YPEL2: variants seen among roughly 807,000 people sequenced by gnomAD.
The protein encoded by YPEL2 is protein yippee-like 2.
Under a neutral mutation model 19.1 loss-of-function variants are expected in YPEL2, and 2 were observed. The ratio of observed to expected loss-of-function variants is 0.10; its 90% CI spans 0.04 to 0.33. YPEL2 has a LOEUF of 0.33. Ranked by LOEUF, YPEL2 falls within the 10% of genes least tolerant of loss-of-function variation. The pLI is 1.00. For synonymous variants in YPEL2, 52 were observed against 50.0 expected, an observed-to-expected ratio of 1.04 and a Z score of -0.17; for missense variants, 66 against 140.7, an observed-to-expected ratio of 0.47 and a Z score of 2.68.
chr17:59,342,927 C>T (rs997093640), intron 1 of YPEL2, among the ~76,000 whole-genome samples: 3 of 152,154 alleles, frequency 2.0e-5, no homozygotes, highest in African/African-American at 7.2e-5. Flanking sequence ...GAAGTCCCTG[C>T]CCGCCTGGGA....
intron 1 of YPEL2, among the ~76,000 whole-genome samples, chr17:59,340,785 G>A (rs1449576569): frequency 2.0e-5 from 3 of 150,158 alleles, no homozygotes; most frequent in Non-Finnish European, 3.0e-5. Flanking sequence ...ACGCCATCTC[G>A]GTCACTGCAA....
In YPEL2 at chr17:59,388,329, A is replaced by G. The variant is rs2147957072; in HGVS notation, c.120A>G (p.Ser40=). Residue 40 remains serine, a splice_region_variant and synonymous_variant, in exon 3 of 5, where the codon TCA becomes TCG. Transcript: ENST00000312655. ...LANHDELISK[S]FQGSQGRAYL... is the part of the protein sequence containing the mutation. ...CGATTTGTTTTCTTGCATTTCAGTC[A>G]TTCCAAGGAAGTCAAGGACGAGCAT... is the stretch of plus-strand genomic sequence containing the variant. The G allele has an allele frequency of 3.1e-6, 5 of 1,614,214 alleles. No individual in the cohort carries two copies. The highest frequency in any genetic ancestry group is 1.6e-4 in the Middle Eastern group (1 of 6,062).
chr17:59,352,151 T>A (rs73996404), intron 1 of YPEL2, among the ~76,000 whole-genome samples: 11,630 of 152,246 alleles, frequency 0.076, 555 homozygotes, highest in South Asian at 0.14. Context: ...AAATAATTTT[T>A]AATTTTATCT....
chr17:59,372,657 C>T (rs964814754), intron 2 of YPEL2, among the ~76,000 whole-genome samples: 2 of 152,166 alleles, frequency 1.3e-5, no homozygotes, highest in African/African-American at 4.8e-5. Context: ...ATAAGAATGC[C>T]CTGTGTTTAG....
intron 4 of YPEL2, among the ~76,000 whole-genome samples, chr17:59,393,031 G>A (rs1469969928): frequency 6.6e-6 from 1 of 152,218 alleles, no homozygotes; most frequent in African/African-American, 2.4e-5. Flanking sequence ...CTGGGAAGCA[G>A]TAGAGGCAGG....
intron 1 of YPEL2, among the ~76,000 whole-genome samples, chr17:59,343,180 A>G (rs2047740084): frequency 6.6e-6 from 1 of 152,258 alleles, no homozygotes; most frequent in Non-Finnish European, 1.5e-5. Context: ...TGTAAGTCCC[A>G]TGTAATGCCC....
At chr17:59,334,113 G>T (rs1361365396) in intron 1 of YPEL2, among the ~76,000 whole-genome samples, 1 of 152,194 alleles carries the variant, frequency 6.6e-6, no homozygotes, top group Non-Finnish European at 1.5e-5. Flanking sequence ...CTGTTTGAGG[G>T]CTGCTGCACA....
chr17:59,361,919 G>A (rs189991827), intron 2 of YPEL2, among the ~76,000 whole-genome samples: 5 of 152,340 alleles, frequency 3.3e-5, no homozygotes, highest in Admixed American at 3.3e-4. Context: ...GGAACAAAGA[G>A]CCAGAGGCAG....
intron 2 of YPEL2, among the ~76,000 whole-genome samples, chr17:59,387,257 T>TC (rs1555571964): frequency 0.29 from 22,408 of 77,266 alleles, 3,171 homozygotes; most frequent in South Asian, 0.31. Flanking sequence ...AGACTCCATC[T>TC]AAAAAAAAAA....
chr17:59,394,049 G>A (rs897487602), intron 4 of YPEL2, among the ~76,000 whole-genome samples: 2 of 152,214 alleles, frequency 1.3e-5, no homozygotes, highest in Non-Finnish European at 2.9e-5. Flanking sequence ...AGACGGGGTG[G>A]TGGCCGGGCA....
At chr17:59,382,055 T>C (rs1023060981) in intron 2 of YPEL2, among the ~76,000 whole-genome samples, 1 of 152,226 alleles carries the variant, frequency 6.6e-6, no homozygotes, top group African/African-American at 2.4e-5. Context: ...TTGTTCTCCA[T>C]GGCTGTTTTT....
At chr17:59,338,012 CAG>C (rs1416224444) in intron 1 of YPEL2, among the ~76,000 whole-genome samples, 3 of 152,216 alleles carry the variant, frequency 2.0e-5, no homozygotes, top group African/African-American at 7.2e-5. Context: ...TGAAACGAGA[CAG>C]AGCAGCATTC....
intron 2 of YPEL2, among the ~76,000 whole-genome samples, chr17:59,363,801 T>A (rs979082213): frequency 6.6e-6 from 1 of 152,252 alleles, no homozygotes; most frequent in Admixed American, 6.5e-5. Context: ...CGCTTCGCAG[T>A]GTGGCCTAGG....
At chr17:59,356,898 A>G (rs1205683587) in intron 2 of YPEL2, among the ~76,000 whole-genome samples, 1 of 152,162 alleles carries the variant, frequency 6.6e-6, no homozygotes, top group Non-Finnish European at 1.5e-5. Context: ...TGATGACCTA[A>G]TCACCTCCCA....
intron 2 of YPEL2, among the ~76,000 whole-genome samples, chr17:59,368,241 G>A (rs989223065): frequency 2.6e-5 from 4 of 152,054 alleles, no homozygotes; most frequent in African/African-American, 9.7e-5. Context: ...GCGCCACCAT[G>A]TCCGGCTAAT....
intron 2 of YPEL2, among the ~76,000 whole-genome samples, chr17:59,366,437 A>G (rs1390424038): frequency 6.6e-5 from 10 of 152,184 alleles, no homozygotes; most frequent in Admixed American, 2.6e-4. Context: ...CAGCATTTCC[A>G]TAGTGCTTTC....
intron 2 of YPEL2, among the ~76,000 whole-genome samples, chr17:59,372,697 A>G (rs1243949221): frequency 1.3e-5 from 2 of 152,214 alleles, no homozygotes; most frequent in African/African-American, 2.4e-5. Flanking sequence ...TGCTCACCAC[A>G]CAAAGCAGAT....
intron 4 of YPEL2, among the ~76,000 whole-genome samples, chr17:59,394,043 G>A (rs928896205): frequency 1.1e-4 from 17 of 152,340 alleles, no homozygotes; most frequent in African/African-American, 2.4e-4. Flanking sequence ...CCTTCCAGAC[G>A]GGGTGGTGGC....
intron 4 of YPEL2, among the ~76,000 whole-genome samples, chr17:59,396,082 AAAT>A (rs1216695947): frequency 2.0e-5 from 3 of 152,188 alleles, no homozygotes; most frequent in East Asian, 1.9e-4. Context: ...CTCCGTCTCA[AAAT>A]AATAATAAAT....
Sources: gnomAD v4.1 joint callset for allele counts (sites outside exome capture counted in the v4.1 genomes callset) on GRCh38, gnomAD v4.1.1 for gene constraint, MANE v1.5 for transcripts, NCBI Gene and HGNC (gene_info 2026-07-23, HGNC 2026-07-21) for gene names.